Variants in RGS22 observed in about 807,000 individuals in gnomAD.
The protein encoded by RGS22 is regulator of G-protein signaling 22.
Under a neutral mutation model 172.9 loss-of-function variants are expected in RGS22, and 148 were observed. That is an observed-to-expected ratio of 0.86 (90% CI 0.75 to 0.98). RGS22 has a LOEUF of 0.98. Among genes scored for constraint, RGS22 ranks in the 50% least tolerant of loss-of-function variants. The pLI is 0.00. For missense variants in RGS22, 1,347 were observed against 1,440.8 expected (o/e 0.93, Z 1.05); for synonymous variants, 458 against 480.2 (o/e 0.95, Z 0.60).
Position 99,962,742 on chromosome 8 carries a change from C to A in RGS22, c.3735G>T (p.Lys1245Asn). Residue 1245 changes from lysine (K) to asparagine (N), a missense_variant, in exon 26 of 28, where the codon AAG becomes AAT. Lys to Asn is a moderately conservative substitution (Grantham distance 94). Coordinates refer to ENST00000360863, the MANE Select transcript of RGS22 (RefSeq NM_015668.5). Reference protein sequence around the residue: ...FAGLQPLTNFKASSSTMSLKK... With the variant: ...FAGLQPLTNFNASSSTMSLKK... ...TCAAAGACATAGTTGAAGAGCTAGC[C>A]TTAAAATTTGTGAGAGGTTGCAAGC... 6.2e-7 allele frequency: 1 copy of A among 1,611,628 alleles called. No individual in the cohort carries two copies. Among genetic ancestry groups the A allele is most frequent in the Non-Finnish European group, 8.5e-7 (1 of 1,179,400 alleles).
At chr8:100,026,778 A>G (rs1407602231) in intron 14 of RGS22, among the ~76,000 whole-genome samples, 1 of 152,260 alleles carries the variant, frequency 6.6e-6, no homozygotes, top group African/African-American at 2.4e-5. Flanking sequence ...GCATAAGACT[A>G]AAGGACAGCA....
intron 14 of RGS22, among the ~76,000 whole-genome samples, chr8:100,027,643 C>T (rs1818325238): frequency 1.3e-5 from 2 of 152,114 alleles, no homozygotes; most frequent in East Asian, 1.9e-4. Flanking sequence ...CCACCACATC[C>T]GGCTAATTTT....
intron 14 of RGS22, among the ~76,000 whole-genome samples, chr8:100,009,129 G>A (rs1012546194): frequency 4.6e-5 from 7 of 151,994 alleles, no homozygotes; most frequent in East Asian, 1.9e-4. Context: ...GCATAAGAGC[G>A]AATGGAGGCC....
At chr8:100,093,333 T>C (rs1478107564) in intron 3 of RGS22, 114 bp downstream of exon 3, 5 of 622,448 alleles carry the variant, frequency 8.0e-6, no homozygotes, top group Non-Finnish European at 8.6e-6. Context: ...CTAAATGCTT[T>C]AATATTTTTT....
chr8:100,060,421 T>TATATATATATATATATACAC (rs1245783464), intron 9 of RGS22, among the ~76,000 whole-genome samples: 19 of 119,478 alleles, frequency 1.6e-4, no homozygotes, highest in African/African-American at 4.3e-4. Context: ...TATATATATA[T>TATATATATATATATATACAC]ACACACACAC....
At chr8:100,004,367 T>C (rs1815450444) in intron 16 of RGS22, among the ~76,000 whole-genome samples, 1 of 152,120 alleles carries the variant, frequency 6.6e-6, no homozygotes, top group South Asian at 2.1e-4. Context: ...TTGTAAATTA[T>C]TAACTTTGAT....
chr8:100,068,438 T>C (rs1237071588), intron 6 of RGS22, among the ~76,000 whole-genome samples: 1 of 152,142 alleles, frequency 6.6e-6, no homozygotes, highest in Non-Finnish European at 1.5e-5. Flanking sequence ...CTCAAGTGAA[T>C]ACAAATGAGT....
At chr8:100,025,106 T>G (rs529202228) in intron 14 of RGS22, among the ~76,000 whole-genome samples, 4 of 152,200 alleles carry the variant, frequency 2.6e-5, no homozygotes, top group Non-Finnish European at 5.9e-5. Context: ...ACTCTATGCA[T>G]AACTGGGGTA....
At chr8:100,040,780 A>G (rs1820012644) in intron 12 of RGS22, among the ~76,000 whole-genome samples, 1 of 152,166 alleles carries the variant, frequency 6.6e-6, no homozygotes, top group African/African-American at 2.4e-5. Flanking sequence ...GAACTCATAG[A>G]CTACTTCTTT....
At chr8:100,080,513 G>A in intron 3 of RGS22, 158 bp from the exon 4 acceptor site, 1 of 619,730 alleles carries the variant, frequency 1.6e-6, no homozygotes, top group Non-Finnish European at 2.8e-6. Flanking sequence ...AATCCCTTGG[G>A]TAGAGGTCAG....
Position 100,105,958 on chromosome 8 carries a change from C to T in RGS22, c.-37G>A, listed in dbSNP as rs780483725. The T allele has an allele frequency of 8.4e-6, 12 of 1,421,484 alleles. No homozygotes were observed. The South Asian group carries it at 1.6e-4, about 19-fold the overall frequency. 88.1% of individuals were successfully genotyped at this position (1,421,484 alleles called of 1,614,324 possible). A position where few individuals can be genotyped will look rare whatever the true frequency, so the allele number is the denominator to read the frequency against. ...TGCCCGCGCCTGGAGCCCGCGCGGG[C>T]CGTCAGGGCCCTAGCGCGCGGGTCC... On this transcript the variant is annotated 5_prime_UTR_variant, in exon 1 of 28. Transcript: ENST00000360863.
chr8:100,012,790 C>T (rs1450902496), intron 14 of RGS22, among the ~76,000 whole-genome samples: 1 of 152,008 alleles, frequency 6.6e-6, no homozygotes, highest in African/African-American at 2.4e-5. Context: ...GCCTAAATTA[C>T]TTACATTAAA....
intron 22 of RGS22, among the ~76,000 whole-genome samples, chr8:99,980,593 T>C (rs2131198801): frequency 6.6e-6 from 1 of 152,282 alleles, no homozygotes; most frequent in African/African-American, 2.4e-5. Context: ...ACAGATTCAG[T>C]GTGATGTGGC....
intron 14 of RGS22, among the ~76,000 whole-genome samples, chr8:100,037,577 T>C (rs764892899): frequency 1.9e-4 from 29 of 152,116 alleles, no homozygotes; most frequent in Non-Finnish European, 3.5e-4. Flanking sequence ...TTACTAATAA[T>C]TAACAAGTCA....
chr8:99,989,776 C>T (rs1813489204), intron 20 of RGS22, among the ~76,000 whole-genome samples: 1 of 152,150 alleles, frequency 6.6e-6, no homozygotes, highest in Admixed American at 6.6e-5. Flanking sequence ...ACCTGGGAGG[C>T]AGAGGTTGCA....
In RGS22 at chr8:100,062,767, AT is replaced by A; in HGVS notation, c.1353-16del. 1 of 1,581,196 alleles carries A rather than the reference AT, an allele frequency of 6.3e-7. No homozygotes were observed. On this transcript the variant is annotated splice_polypyrimidine_tract_variant and intron_variant, in intron 8 of 27. Coordinates refer to ENST00000360863, the MANE Select transcript of RGS22 (RefSeq NM_015668.5). ...TCTCAAGATGTCTGAAATAAAACAC[AT>A]TTCCATATATACACACACACATTGG... is the stretch of plus-strand genomic sequence containing the variant.
chr8:100,082,235 A>G (rs1473027929), intron 3 of RGS22, among the ~76,000 whole-genome samples: 1 of 151,808 alleles, frequency 6.6e-6, no homozygotes, highest in Non-Finnish European at 1.5e-5. Flanking sequence ...TCCAACTTTT[A>G]TTTTAGGTTT....
At position 100,001,300 on chromosome 8, in the gene RGS22, A is replaced by G. The variant is rs150689450; in HGVS notation, c.2790+902T>C. Among the ~76,000 whole-genome samples, 383 of 148,584 alleles carry G rather than the reference A, an allele frequency of 2.6e-3. 11 individuals carry two copies. In the East Asian group the frequency reaches 0.046, roughly 18 times the overall value. On this transcript the variant is annotated intron_variant, in intron 18 of 27. Transcript: ENST00000360863. ...TGTCTAGGCTGGAGTGCAGGGGCACAATCTCCACTCACTGCAACCTCTGCC... is the reference window on the plus strand; with the variant it reads ...TGTCTAGGCTGGAGTGCAGGGGCACGATCTCCACTCACTGCAACCTCTGCC...
At chr8:99,966,362 C>A (rs1810733629) in intron 23 of RGS22, among the ~76,000 whole-genome samples, 1 of 151,814 alleles carries the variant, frequency 6.6e-6, no homozygotes, top group African/African-American at 2.4e-5. Context: ...ACTTCAAAGC[C>A]CAGACTTTAC....
Sources: gnomAD v4.1 joint callset for allele counts (sites outside exome capture counted in the v4.1 genomes callset) on GRCh38, gnomAD v4.1.1 for gene constraint, MANE v1.5 for transcripts, NCBI Gene and HGNC (gene_info 2026-07-23, HGNC 2026-07-21) for gene names.